The following CLASP1 variants were observed in gnomAD, a reference collection of about 807,000 sequenced individuals.
CLASP1 encodes the protein cytoplasmic linker associated protein 1, also known as CLIP-associating protein 1.
A neutral mutation model predicts 192.3 loss-of-function variants in CLASP1; 38 were observed. The observed-to-expected ratio is 0.20, with a 90% CI of 0.15 to 0.26. The LOEUF is 0.26. CLASP1 is among the 10% of genes least tolerant of loss of function. The pLI is 1.00. For synonymous variants in CLASP1, 691 were observed against 712.8 expected (o/e 0.97, Z 0.49); for missense variants, 1,433 against 1,932.5 (o/e 0.74, Z 4.85).
At chr2:121,377,605 T>C (rs1173558457) in exon 34 of CLASP1, 17 of 1,593,442 alleles carry the variant, frequency 1.1e-5, no homozygotes, top group South Asian at 4.5e-5. Flanking sequence ...TAGAGAACTA[T>C]AGATTTCTTC....
chr2:121,635,433 TAA>T (rs1268200935), intron 1 of CLASP1, among the ~76,000 whole-genome samples: 1 of 152,140 alleles, frequency 6.6e-6, no homozygotes, highest in African/African-American at 2.4e-5. Flanking sequence ...CCTCAGATAA[TAA>T]AAGTGTTTAC....
At chr2:121,523,918 GGTGA>G (rs2094513873) in intron 6 of CLASP1, among the ~76,000 whole-genome samples, 1 of 152,202 alleles carries the variant, frequency 6.6e-6, no homozygotes, top group Non-Finnish European at 1.5e-5. Context: ...GGGAAATGGG[GGTGA>G]GTGAGGGGAC....
chr2:121,353,285 C>G (rs58562024), intron 37 of CLASP1, among the ~76,000 whole-genome samples: 38,065 of 152,076 alleles, frequency 0.25, 7,600 homozygotes, highest in African/African-American at 0.55. Flanking sequence ...TGCTGGGGAT[C>G]GGGGGTGAAG....
At chr2:121,463,486 G>A (rs1392075653) in intron 9 of CLASP1, among the ~76,000 whole-genome samples, 1 of 152,142 alleles carries the variant, frequency 6.6e-6, no homozygotes, top group Non-Finnish European at 1.5e-5. Flanking sequence ...CTACTATAAA[G>A]GATGACCGTC....
intron 2 of CLASP1, 42 bp from the exon 3 acceptor site, chr2:121,530,367 C>G: frequency 6.7e-7 from 1 of 1,491,178 alleles, no homozygotes; most frequent in East Asian, 2.5e-5. Flanking sequence ...AGCCGGCCTG[C>G]GGGGCAGCGC....
chr2:121,573,901 C>T (rs913277010), intron 2 of CLASP1, among the ~76,000 whole-genome samples: 1 of 152,154 alleles, frequency 6.6e-6, no homozygotes, highest in Non-Finnish European at 1.5e-5. Flanking sequence ...TTTTCTCTTA[C>T]CACACATAGA....
intron 1 of CLASP1, among the ~76,000 whole-genome samples, chr2:121,610,953 G>A (rs1443627040): frequency 2.1e-5 from 3 of 145,282 alleles, no homozygotes; most frequent in African/African-American, 2.6e-5. Flanking sequence ...AAGAGGAACT[G>A]GAGGAGGAGG....
intron 8 of CLASP1, among the ~76,000 whole-genome samples, chr2:121,492,575 G>A (rs2093364417): frequency 2.0e-5 from 3 of 151,102 alleles, no homozygotes; most frequent in Non-Finnish European, 4.4e-5. Context: ...AGTAAGCACA[G>A]GAAATATGTT....
intron 19 of CLASP1, chr2:121,445,624 T>C: frequency 2.3e-6 from 1 of 426,972 alleles, no homozygotes; most frequent in Admixed American, 3.1e-5. Flanking sequence ...TTTGGTGTTT[T>C]TGTTTGGGGA....
chr2:121,458,777 A>G (rs1375762196), intron 13 of CLASP1, 63 bp downstream of exon 13: 2 of 1,288,282 alleles, frequency 1.6e-6, no homozygotes, highest in Non-Finnish European at 2.1e-6. Context: ...AATGCCTCTA[A>G]TATTTATCAA....
chr2:121,528,316 G>T (rs1461961426), intron 4 of CLASP1, among the ~76,000 whole-genome samples: 1 of 152,116 alleles, frequency 6.6e-6, no homozygotes, highest in African/African-American at 2.4e-5. Context: ...CCAATTCACC[G>T]GAAGACAGGG....
chr2:121,358,881 C>A (rs546118505), intron 37 of CLASP1, among the ~76,000 whole-genome samples: 35 of 152,352 alleles, frequency 2.3e-4, no homozygotes, highest in African/African-American at 8.4e-4. Flanking sequence ...GTTTGGTGAT[C>A]CAGCACAGTG....
At chr2:121,356,148 A>T (rs2065339539) in intron 37 of CLASP1, among the ~76,000 whole-genome samples, 1 of 152,232 alleles carries the variant, frequency 6.6e-6, no homozygotes, top group Non-Finnish European at 1.5e-5. Flanking sequence ...GAGTCAAAAA[A>T]AAAAAGCAAA....
intron 1 of CLASP1, among the ~76,000 whole-genome samples, chr2:121,623,942 T>G (rs1288704219): frequency 6.6e-6 from 1 of 152,234 alleles, no homozygotes; most frequent in East Asian, 1.9e-4. Flanking sequence ...TCTAACTTGT[T>G]GGCATAAAAT....
At chr2:121,422,824 G>A (rs531864065) in intron 22 of CLASP1, among the ~76,000 whole-genome samples, 3 of 152,200 alleles carry the variant, frequency 2.0e-5, no homozygotes, top group South Asian at 2.1e-4. Context: ...AGATAACTAC[G>A]ATTAATTCTC....
At chr2:121,604,646 C>A (rs559136260) in intron 2 of CLASP1, among the ~76,000 whole-genome samples, 3 of 151,916 alleles carry the variant, frequency 2.0e-5, no homozygotes, top group Non-Finnish European at 2.9e-5. Context: ...CCAGCCTGGG[C>A]GACAGAGCAA....
chr2:121,619,828 C>T (rs2067033987), intron 1 of CLASP1, among the ~76,000 whole-genome samples: 1 of 152,056 alleles, frequency 6.6e-6, no homozygotes, highest in South Asian at 2.1e-4. Context: ...CTTGAAACTC[C>T]CTCAAAGATG....
chr2:121,450,247 C>T (rs1277251436), intron 16 of CLASP1, among the ~76,000 whole-genome samples: 2 of 151,710 alleles, frequency 1.3e-5, no homozygotes, highest in Non-Finnish European at 2.9e-5. Flanking sequence ...AGGAGAATGA[C>T]GAGAACCTGG....
chr2:121,394,144 G>A (rs1426944712), intron 30 of CLASP1, among the ~76,000 whole-genome samples: 2 of 152,108 alleles, frequency 1.3e-5, no homozygotes, highest in Non-Finnish European at 2.9e-5. Context: ...CGGGACTTGT[G>A]AATATAATGG....
Sources: allele counts gnomAD v4.1 joint callset (sites outside exome capture counted in the v4.1 genomes callset), GRCh38; gene constraint gnomAD v4.1.1; transcripts MANE v1.5; gene names NCBI Gene and HGNC (gene_info 2026-07-23, HGNC 2026-07-21).